KIF16B: variants seen among roughly 807,000 people sequenced by gnomAD.
KIF16B encodes the protein kinesin family member 16B, also known as kinesin-like protein KIF16B.
Under a neutral mutation model 156.3 loss-of-function variants are expected in KIF16B, and 98 were observed. The observed-to-expected ratio is 0.63, with a 90% CI of 0.53 to 0.74. The LOEUF is 0.74. Among genes scored for constraint, KIF16B ranks in the 30% least tolerant of loss-of-function variants. The probability of loss-of-function intolerance (pLI) is 0.00; values close to 1 mark genes in which losing one functional copy is unlikely to be tolerated. For synonymous variants in KIF16B, 564 were observed against 583.7 expected, an observed-to-expected ratio of 0.97 and a Z score of 0.49; for missense variants, 1,421 against 1,606.5, an observed-to-expected ratio of 0.88 and a Z score of 1.97.
At chr20:16,354,945 CAA>C (rs956456238) in intron 23 of KIF16B, among the ~76,000 whole-genome samples, 1 of 144,222 alleles carries the variant, frequency 6.9e-6, no homozygotes, top group African/African-American at 2.5e-5. Context: ...GACTCCATCT[CAA>C]AAAAAAAAGA....
chr20:16,380,290 A>G, intron 18 of KIF16B, 127 bp from the exon 19 acceptor site: 2 of 809,154 alleles, frequency 2.5e-6, no homozygotes, highest in Non-Finnish European at 3.4e-6. Context: ...AAAAAAGAAG[A>G]GTAACTGCTT....
intron 17 of KIF16B, among the ~76,000 whole-genome samples, chr20:16,400,444 A>T (rs1398509762): frequency 6.6e-6 from 1 of 152,206 alleles, no homozygotes; most frequent in Non-Finnish European, 1.5e-5. Flanking sequence ...TGTGGAAAAT[A>T]GCATAGCAGT....
intron 12 of KIF16B, among the ~76,000 whole-genome samples, chr20:16,473,543 C>CT (rs1367674011): frequency 3.3e-5 from 5 of 152,158 alleles, no homozygotes; most frequent in African/African-American, 1.2e-4. Flanking sequence ...AGAGTAGACA[C>CT]TTTGAGAAAT....
rs550273390 is a variant in KIF16B, at chr20:16,530,264, G to A, written c.48-1824C>T. 2.0e-5 allele frequency among the ~76,000 whole-genome samples: 3 copies of A among 152,248 alleles called. No individual in the cohort carries two copies. In the South Asian group the frequency reaches 6.2e-4, roughly 32 times the overall value. ...GATTGCCCGGCACTCACACCCTGTCGTGTGCGATCCTTGCCCTTGACTATG... is the reference window on the plus strand; with the variant it reads ...GATTGCCCGGCACTCACACCCTGTCATGTGCGATCCTTGCCCTTGACTATG... On this transcript the variant is annotated intron_variant, in intron 1 of 25. Transcript: ENST00000354981.
At chr20:16,279,297 A>G (rs946286233) in intron 25 of KIF16B, among the ~76,000 whole-genome samples, 1 of 152,188 alleles carries the variant, frequency 6.6e-6, no homozygotes, top group Non-Finnish European at 1.5e-5. Context: ...GTCTCCTGGA[A>G]CCAAGGGTCC....
chr20:16,359,685 G>C, intron 22 of KIF16B, among the ~76,000 whole-genome samples: 1 of 148,182 alleles, frequency 6.7e-6, no homozygotes. Flanking sequence ...CCCTGCCTTT[G>C]ACAATTTCAC....
rs78833686 is a variant in KIF16B, at chr20:16,400,217, G to C, written c.1784+4596C>G. 2.2e-4 allele frequency among the ~76,000 whole-genome samples: 33 copies of C among 152,322 alleles called. No individual in the cohort carries two copies. The East Asian group carries it at 6.4e-3, about 29-fold the overall frequency. ...ATACTTACCAGGGGAACTACATTTT[G>C]AGATTTTCTTTCTATATTTTTAAAC... On this transcript the variant is annotated intron_variant, in intron 17 of 25. Transcript: ENST00000354981.
chr20:16,461,950 T>C (rs2067355898), intron 12 of KIF16B, among the ~76,000 whole-genome samples: 1 of 152,122 alleles, frequency 6.6e-6, no homozygotes, highest in Non-Finnish European at 1.5e-5. Context: ...TTTAAGGGTA[T>C]AAATTTCCAG....
At chr20:16,297,310 A>G (rs886664438) in intron 25 of KIF16B, among the ~76,000 whole-genome samples, 1 of 152,232 alleles carries the variant, frequency 6.6e-6, no homozygotes, top group African/African-American at 2.4e-5. Context: ...TGAAGTGGTA[A>G]AAAAAGCACT....
At chr20:16,302,296 T>C (rs1243536988) in intron 25 of KIF16B, among the ~76,000 whole-genome samples, 1 of 152,238 alleles carries the variant, frequency 6.6e-6, no homozygotes, top group Non-Finnish European at 1.5e-5. Context: ...TTTTTGTGAA[T>C]GGCATAAGGT....
chr20:16,379,889 C>A lies in KIF16B; in HGVS notation c.2113G>T (p.Val705Phe), dbSNP rs368648376. ...KRQEEETFLR[V>F]QEELQRLKEL... Reference sequence around the variant, plus strand: ...TTGAGTCGTTGGAGTTCTTCTTGGACGCGGAGAAAGGTCTCTTCTTCTTGT... The same window carrying A: ...TTGAGTCGTTGGAGTTCTTCTTGGAAGCGGAGAAAGGTCTCTTCTTCTTGT... Residue 705 changes from valine (V) to phenylalanine (F), a missense_variant, in exon 19 of 26, where the codon GTC (valine) becomes TTC (phenylalanine). Physicochemically the swap from Val to Phe is conservative, Grantham distance 50. Transcript: ENST00000354981. The A allele has an allele frequency of 6.2e-7, 1 of 1,614,188 alleles. No homozygotes were observed. Among genetic ancestry groups the A allele is most frequent in the East Asian group, 2.2e-5 (1 of 44,878 alleles).
At chr20:16,354,959 T>A (rs2064409848) in intron 23 of KIF16B, among the ~76,000 whole-genome samples, 1 of 149,814 alleles carries the variant, frequency 6.7e-6, no homozygotes, top group African/African-American at 2.5e-5. Context: ...AAAAAAAGAG[T>A]AACAGCAACA....
At chr20:16,511,082 G>A (rs982351655) in intron 6 of KIF16B, among the ~76,000 whole-genome samples, 1 of 152,092 alleles carries the variant, frequency 6.6e-6, no homozygotes, top group African/African-American at 2.4e-5. Flanking sequence ...TCACCATTAG[G>A]GTCAGTAAAG....
chr20:16,318,505 G>A (rs1239511572), intron 24 of KIF16B, among the ~76,000 whole-genome samples: 1 of 152,166 alleles, frequency 6.6e-6, no homozygotes, highest in African/African-American at 2.4e-5. Context: ...AGCAACCTAT[G>A]GCGCCAGAAA....
At chr20:16,294,245 ACAGT>A (rs1476563797) in intron 25 of KIF16B, among the ~76,000 whole-genome samples, 1 of 152,274 alleles carries the variant, frequency 6.6e-6, no homozygotes, top group Non-Finnish European at 1.5e-5. Context: ...GCACAGAAAA[ACAGT>A]CAGAGAAGAT....
At chr20:16,331,826 C>G (rs368832911) in intron 24 of KIF16B, among the ~76,000 whole-genome samples, 53 of 151,968 alleles carry the variant, frequency 3.5e-4, no homozygotes, top group African/African-American at 1.2e-3. Context: ...AAATAGTCCA[C>G]TTGGAGGAGC....
At chr20:16,418,723 G>C (rs372385400) in intron 15 of KIF16B, among the ~76,000 whole-genome samples, 1 of 152,130 alleles carries the variant, frequency 6.6e-6, no homozygotes, top group Non-Finnish European at 1.5e-5. Flanking sequence ...TTTTGTTCAC[G>C]CAACTCATGT....
intron 23 of KIF16B, among the ~76,000 whole-genome samples, chr20:16,339,131 T>A (rs190845510): frequency 1.6e-4 from 24 of 152,154 alleles, no homozygotes; most frequent in African/African-American, 4.6e-4. Flanking sequence ...GAGGAGAAAA[T>A]TGTTAATTGC....
In KIF16B at chr20:16,370,607, A is replaced by G; in HGVS notation, c.3477T>C (p.Ile1159=). 6.3e-7 allele frequency: 1 copy of G among 1,580,728 alleles called. No homozygotes were observed. The highest frequency in any genetic ancestry group is 8.5e-7 in the Non-Finnish European group (1 of 1,170,244). ...CTACCTCATATTTTAGTTTACGTTG[A>G]ATGGTGCCATTGTGAAGTTTCTCAT... The part of the protein sequence containing the change: ...KDNEKLHNGT[I]QRKLKYERMV... Residue 1159 remains isoleucine, a synonymous_variant, in exon 22 of 26, where the codon ATT becomes ATC. Coordinates refer to ENST00000354981, the MANE Select transcript of KIF16B (RefSeq NM_024704.5).
Sources: allele counts gnomAD v4.1 joint callset (sites outside exome capture counted in the v4.1 genomes callset), GRCh38; gene constraint gnomAD v4.1.1; transcripts MANE v1.5; gene names NCBI Gene and HGNC (gene_info 2026-07-23, HGNC 2026-07-21).